The following RGS6 variants were observed in gnomAD, a reference collection of about 807,000 sequenced individuals.
The protein encoded by RGS6 is regulator of G protein signaling 6.
Under a neutral mutation model 78.5 loss-of-function variants are expected in RGS6, and 30 were observed. That is an observed-to-expected ratio of 0.38 (90% CI 0.29 to 0.52). The LOEUF is 0.52. RGS6 is among the 20% of genes least tolerant of loss of function. The pLI is 0.85. For synonymous variants in RGS6, 206 were observed against 206.0 expected (o/e 1.00, Z 0.00); for missense variants, 495 against 609.7 (o/e 0.81, Z 1.98).
chr14:72,351,974 G>A (rs1478758295), intron 2 of RGS6, 121 bp from the exon 3 acceptor site: 2 of 693,704 alleles, frequency 2.9e-6, no homozygotes, highest in South Asian at 2.0e-5. Flanking sequence ...CAACTAGATG[G>A]GAGCTTTTTG....
At chr14:72,364,019 A>AAAAAAAAAAAAAAAAAAAC (rs2082009306) in intron 3 of RGS6, among the ~76,000 whole-genome samples, 1 of 150,776 alleles carries the variant, frequency 6.6e-6, no homozygotes, top group African/African-American at 2.4e-5. Flanking sequence ...AAAAAAAAAA[A>AAAAAAAAAAAAAAAAAAAC]AAAAAAACTC....
At chr14:72,354,068 T>C (rs946993069) in intron 3 of RGS6, among the ~76,000 whole-genome samples, 2 of 152,174 alleles carry the variant, frequency 1.3e-5, no homozygotes, top group South Asian at 2.1e-4. Context: ...TATATTAACC[T>C]AAAAAATAAG....
chr14:72,158,193 C>G (rs2096799946), intron 2 of RGS6, among the ~76,000 whole-genome samples: 1 of 152,076 alleles, frequency 6.6e-6, no homozygotes, highest in South Asian at 2.1e-4. Flanking sequence ...AGGGCTGGTC[C>G]CTCCTCAGGG....
At chr14:72,136,289 A>G (rs934253014) in intron 2 of RGS6, among the ~76,000 whole-genome samples, 3 of 152,186 alleles carry the variant, frequency 2.0e-5, no homozygotes, top group Non-Finnish European at 4.4e-5. Flanking sequence ...GTCCAAGGAC[A>G]TCTTATCTTT....
At chr14:72,208,384 C>G (rs1004439171) in intron 2 of RGS6, among the ~76,000 whole-genome samples, 1 of 152,204 alleles carries the variant, frequency 6.6e-6, no homozygotes, top group African/African-American at 2.4e-5. Context: ...CCAGCTCTTC[C>G]TCCAATTCCT....
At chr14:72,155,876 A>G (rs1379612208) in intron 2 of RGS6, among the ~76,000 whole-genome samples, 1 of 152,232 alleles carries the variant, frequency 6.6e-6, no homozygotes, top group Non-Finnish European at 1.5e-5. Context: ...GCATATCTGT[A>G]CTAGGCTGGG....
At chr14:72,511,639 G>A (rs565852857) in intron 14 of RGS6, 1 of 152,356 alleles carries the variant, frequency 6.6e-6, no homozygotes, top group East Asian at 1.9e-4. Flanking sequence ...GAATACACAG[G>A]ATAATAGTAG....
chr14:72,158,194 C>T (rs2096799986), intron 2 of RGS6, among the ~76,000 whole-genome samples: 1 of 152,166 alleles, frequency 6.6e-6, no homozygotes, highest in African/African-American at 2.4e-5. Flanking sequence ...GGGCTGGTCC[C>T]TCCTCAGGGC....
At chr14:72,067,022 T>C (rs1455761798) in intron 2 of RGS6, among the ~76,000 whole-genome samples, 1 of 152,208 alleles carries the variant, frequency 6.6e-6, no homozygotes, top group Non-Finnish European at 1.5e-5. Context: ...TAGTTTTCCA[T>C]GGTGTATATG....
chr14:71,995,452 G>A (rs183766330), intron 2 of RGS6, among the ~76,000 whole-genome samples: 13 of 152,330 alleles, frequency 8.5e-5, no homozygotes, highest in Admixed American at 7.2e-4. Context: ...AGGGACATAA[G>A]TGGAAAGCTT....
intron 17 of RGS6, among the ~76,000 whole-genome samples, chr14:72,543,896 C>T (rs550689216): frequency 1.4e-4 from 21 of 152,336 alleles, no homozygotes; most frequent in Admixed American, 3.9e-4. Flanking sequence ...CCACCACACC[C>T]GGCTAATTTT....
chr14:72,504,190 C>T (rs1389602295), intron 13 of RGS6, among the ~76,000 whole-genome samples: 2 of 152,190 alleles, frequency 1.3e-5, no homozygotes, highest in Non-Finnish European at 2.9e-5. Context: ...GATGACTCAT[C>T]CATACTAATA....
At chr14:72,363,609 A>G (rs2081921431) in intron 3 of RGS6, among the ~76,000 whole-genome samples, 1 of 152,220 alleles carries the variant, frequency 6.6e-6, no homozygotes, top group South Asian at 2.1e-4. Flanking sequence ...GCTGACTTGA[A>G]ATAGAGCAGA....
At position 72,153,624 on chromosome 14, in the gene RGS6, G is replaced by A. The variant is rs148703870; in HGVS notation, c.84+188749G>A. Among the ~76,000 whole-genome samples, 569 of 152,276 alleles carry A rather than the reference G, an allele frequency of 3.7e-3. 3 individuals carry two copies. The highest frequency in any genetic ancestry group is 0.011 in the African/African-American group (467 of 41,546). On this transcript the variant is annotated intron_variant, in intron 2 of 17. Coordinates refer to ENST00000553525, the MANE Select transcript of RGS6 (RefSeq NM_001204424.2). Reference sequence around the variant, plus strand: ...AAGAGAGGAATTTTACACCTGGGCCGCCGGGGGTGACATCACATATCGGTA... The same window carrying A: ...AAGAGAGGAATTTTACACCTGGGCCACCGGGGGTGACATCACATATCGGTA...
chr14:71,897,436 G>A, the RGS6 span, among the ~76,000 whole-genome samples: 1 of 152,208 alleles, frequency 6.6e-6, no homozygotes, highest in East Asian at 1.9e-4. Context: ...CTAGGAACAT[G>A]AAGACAGTTG....
intron 3 of RGS6, among the ~76,000 whole-genome samples, chr14:72,377,673 C>T (rs531522774): frequency 1.3e-5 from 2 of 152,246 alleles, no homozygotes. Context: ...TCTCAAAAAG[C>T]TTTTCAAAAT....
intron 2 of RGS6, among the ~76,000 whole-genome samples, chr14:72,160,680 A>G (rs2096840505): frequency 6.6e-6 from 1 of 152,248 alleles, no homozygotes; most frequent in Admixed American, 6.5e-5. Context: ...ACATTTGGCC[A>G]CATGGAGAGA....
At chr14:72,390,120 C>T (rs571129637) in intron 3 of RGS6, among the ~76,000 whole-genome samples, 1 of 120,624 alleles carries the variant, frequency 8.3e-6, no homozygotes, top group Admixed American at 9.7e-5. Flanking sequence ...TTAACTGAGA[C>T]AGAGTCTCGC....
At chr14:72,318,798 C>G (rs847351) in intron 2 of RGS6, among the ~76,000 whole-genome samples, 94,220 of 152,054 alleles carry the variant, frequency 0.62, 31,758 homozygotes, top group African/African-American at 0.9. Flanking sequence ...ACCCTACCTG[C>G]TACCATGTAG....
Sources: allele counts gnomAD v4.1 joint callset (sites outside exome capture counted in the v4.1 genomes callset), GRCh38; gene constraint gnomAD v4.1.1; transcripts MANE v1.5; gene names NCBI Gene and HGNC (gene_info 2026-07-23, HGNC 2026-07-21).